MTUS2: variants seen among roughly 807,000 people sequenced by gnomAD.
MTUS2 encodes microtubule-associated tumor suppressor candidate 2.
Under a neutral mutation model 114.1 loss-of-function variants are expected in MTUS2, and 40 were observed. That is an observed-to-expected ratio of 0.35 (90% CI 0.27 to 0.46). MTUS2 has a LOEUF of 0.46. Among genes scored for constraint, MTUS2 ranks in the 20% least tolerant of loss-of-function variants. The probability of loss-of-function intolerance (pLI) is 1.00; values close to 1 mark genes in which losing one functional copy is unlikely to be tolerated. For synonymous variants in MTUS2, 688 were observed against 672.0 expected (o/e 1.02, Z -0.37); for missense variants, 1,679 against 1,705.4 (o/e 0.98, Z 0.27).
At chr13:29,318,126 GA>G (rs1282525786) in intron 6 of MTUS2, among the ~76,000 whole-genome samples, 14 of 152,114 alleles carry the variant, frequency 9.2e-5, no homozygotes, top group African/African-American at 2.9e-4. Context: ...ATACTTAGGG[GA>G]TAAAGTCTGT....
intron 9 of MTUS2, among the ~76,000 whole-genome samples, chr13:29,462,644 C>T (rs73446125): frequency 0.022 from 3,308 of 151,976 alleles, 108 homozygotes; most frequent in African/African-American, 0.071. Flanking sequence ...AGGAGACCTG[C>T]GTTTGTTTTG....
At chr13:29,230,396 C>A (rs1896278523) in intron 5 of MTUS2, among the ~76,000 whole-genome samples, 1 of 152,250 alleles carries the variant, frequency 6.6e-6, no homozygotes, top group Admixed American at 6.5e-5. Context: ...GCTTTCTTCT[C>A]TACTTCGGTA....
chr13:29,477,408 G>C (rs112082360), intron 9 of MTUS2, among the ~76,000 whole-genome samples: 2,182 of 152,270 alleles, frequency 0.014, 51 homozygotes, highest in African/African-American at 0.049. Context: ...CTTAGTTGGA[G>C]GGTCTTTAGG....
At chr13:29,481,090 C>A (rs1475004187) in intron 10 of MTUS2, among the ~76,000 whole-genome samples, 3 of 152,210 alleles carry the variant, frequency 2.0e-5, no homozygotes, top group Non-Finnish European at 4.4e-5. Context: ...TGCCAACTCT[C>A]CTGCTGGATC....
chr13:29,274,144 C>T (rs1263172756), intron 5 of MTUS2, among the ~76,000 whole-genome samples: 3 of 152,024 alleles, frequency 2.0e-5, no homozygotes, highest in Non-Finnish European at 4.4e-5. Flanking sequence ...GACAGAGTCT[C>T]GCTCTGTCAC....
intron 5 of MTUS2, among the ~76,000 whole-genome samples, chr13:29,237,872 C>T (rs1180758068): frequency 1.3e-5 from 2 of 152,124 alleles, no homozygotes; most frequent in African/African-American, 2.4e-5. Context: ...TAGCACCTCA[C>T]ACCCATTAAG....
At chr13:29,243,436 T>C (rs1593213223) in intron 5 of MTUS2, among the ~76,000 whole-genome samples, 1 of 152,284 alleles carries the variant, frequency 6.6e-6, no homozygotes, top group Non-Finnish European at 1.5e-5. Flanking sequence ...GTCTCCTCAA[T>C]GTGCGAATGT....
intron 7 of MTUS2, among the ~76,000 whole-genome samples, chr13:29,332,692 T>A (rs536679520): frequency 6.7e-6 from 1 of 149,496 alleles, no homozygotes; most frequent in Non-Finnish European, 1.5e-5. Context: ...TGGAGTGCAG[T>A]GGCGCGATCT....
intron 5 of MTUS2, among the ~76,000 whole-genome samples, chr13:29,251,040 C>G (rs1207410224): frequency 6.6e-6 from 1 of 152,168 alleles, no homozygotes; most frequent in East Asian, 1.9e-4. Flanking sequence ...GAAATGCTCC[C>G]TCTTTTCATT....
At chr13:28,980,928 G>A (rs1884329949) in intron 2 of MTUS2, among the ~76,000 whole-genome samples, 1 of 152,214 alleles carries the variant, frequency 6.6e-6, no homozygotes, top group East Asian at 1.9e-4. Flanking sequence ...CCACACTAGG[G>A]CAACAGGCAT....
intron 5 of MTUS2, among the ~76,000 whole-genome samples, chr13:29,101,338 A>G (rs1890412050): frequency 6.6e-6 from 1 of 152,054 alleles, no homozygotes; most frequent in Non-Finnish European, 1.5e-5. Flanking sequence ...ATTAGCTGAA[A>G]GAATCATTTA....
At chr13:29,007,247 T>C (rs1301602648) in intron 2 of MTUS2, among the ~76,000 whole-genome samples, 1 of 152,184 alleles carries the variant, frequency 6.6e-6, no homozygotes, top group Non-Finnish European at 1.5e-5. Context: ...AATTTTTAAA[T>C]TTTTATTATA....
chr13:29,195,947 A>G (rs955785229), intron 5 of MTUS2, among the ~76,000 whole-genome samples: 12 of 152,186 alleles, frequency 7.9e-5, no homozygotes, highest in African/African-American at 2.9e-4. Context: ...TGAAGCAGGG[A>G]CTTTGAAGAA....
At chr13:29,327,582 G>A (rs755209950) in intron 7 of MTUS2, among the ~76,000 whole-genome samples, 13 of 152,086 alleles carry the variant, frequency 8.5e-5, no homozygotes, top group South Asian at 2.1e-4. Flanking sequence ...TTACTAGTGC[G>A]TAGAATTCTA....
intron 8 of MTUS2, among the ~76,000 whole-genome samples, chr13:29,365,533 TA>T (rs1870640802): frequency 1.3e-5 from 2 of 152,098 alleles, no homozygotes; most frequent in Non-Finnish European, 2.9e-5. Context: ...TGTGTGTAAT[TA>T]AATGTCACTT....
chr13:28,954,943 G>T (rs1471794587), intron 2 of MTUS2, among the ~76,000 whole-genome samples: 2 of 152,158 alleles, frequency 1.3e-5, no homozygotes, highest in African/African-American at 4.8e-5. Context: ...CCCCCAGACA[G>T]TTACCATTTA....
chr13:28,858,422 C>T lies in MTUS2; in HGVS notation c.-243+18572C>T, dbSNP rs137882618. The stretch of plus-strand genomic sequence containing the variant: ...GAGTTCTTTCATATAGTTATTTAAA[C>T]TTGTATCTCTACTCTGTCCCTGGCT... On this transcript the variant is annotated intron_variant, in intron 2 of 15. Transcript: ENST00000612955. 8.5e-3 allele frequency among the ~76,000 whole-genome samples: 1,292 copies of T among 152,160 alleles called. 19 individuals carry two copies. The highest frequency in any genetic ancestry group is 0.03 in the African/African-American group (1,233 of 41,528).
At chr13:29,387,251 C>T (rs892771187) in intron 8 of MTUS2, among the ~76,000 whole-genome samples, 2 of 152,208 alleles carry the variant, frequency 1.3e-5, no homozygotes, top group African/African-American at 4.8e-5. Context: ...GGAAACAGTT[C>T]TAAAGAAGTG....
intron 5 of MTUS2, among the ~76,000 whole-genome samples, chr13:29,229,026 G>A (rs140614732): frequency 2.6e-4 from 39 of 152,168 alleles, no homozygotes; most frequent in African/African-American, 7.7e-4. Context: ...CTGCATCCAC[G>A]AAGGTCCTGT....
Sources: allele counts gnomAD v4.1 joint callset (sites outside exome capture counted in the v4.1 genomes callset), GRCh38; gene constraint gnomAD v4.1.1; transcripts MANE v1.5; gene names NCBI Gene and HGNC (gene_info 2026-07-23, HGNC 2026-07-21).